Variants in SLF2 observed in about 807,000 individuals in gnomAD.
The protein encoded by SLF2 is SMC5-SMC6 complex localization factor protein 2.
SLF2 carries 68 observed loss-of-function variants against 124.3 expected under a neutral mutation model. That is an observed-to-expected ratio of 0.55 (90% confidence interval 0.45 to 0.67). SLF2 has a LOEUF of 0.67. Ranked by LOEUF, SLF2 falls within the 30% of genes least tolerant of loss-of-function variation. The probability of loss-of-function intolerance (pLI) is 0.00; values close to 1 mark genes in which losing one functional copy is unlikely to be tolerated. For synonymous variants in SLF2, 480 were observed against 478.8 expected (o/e 1.00, Z -0.03); for missense variants, 1,246 against 1,373.7 (o/e 0.91, Z 1.47).
At chr10:100,957,172 A>G (rs1850346173) in intron 18 of SLF2, among the ~76,000 whole-genome samples, 1 of 152,146 alleles carries the variant, frequency 6.6e-6, no homozygotes, top group South Asian at 2.1e-4. Context: ...GTTACCATCA[A>G]GGATTGAAGC....
rs778159780 is a variant in SLF2 at position 100,929,344 on chromosome 10, A to G, written c.2070A>G (p.Gln690=). The change falls in exon 7 of 20, where the codon CAA becomes CAG. Residue 690 remains glutamine, a synonymous_variant. Coordinates refer to ENST00000238961, the MANE Select transcript of SLF2 (RefSeq NM_018121.4). ...QRLDELQKQL[Q]EDIRQGRGIK... is the part of the protein sequence containing the mutation. The stretch of plus-strand genomic sequence containing the variant: ...TAGATGAACTGCAGAAGCAACTACA[A>G]GAAGACATAAGGCAAGGCCGAGGCA... 8.4e-5 allele frequency: 136 copies of G among 1,612,950 alleles called. No homozygotes were observed. Among genetic ancestry groups the G allele is most frequent in the Non-Finnish European group, 1.1e-4 (135 of 1,179,310 alleles).
chr10:100,959,884 A>G (rs995209579), intron 19 of SLF2, among the ~76,000 whole-genome samples: 1 of 152,186 alleles, frequency 6.6e-6, no homozygotes, highest in Admixed American at 6.5e-5. Flanking sequence ...GAACATTTTC[A>G]TCACCCCAAA....
chr10:100,925,083 T>C, intron 5 of SLF2, 111 bp downstream of exon 5: 3 of 1,095,750 alleles, frequency 2.7e-6, no homozygotes, highest in Non-Finnish European at 3.8e-6. Flanking sequence ...TTATAACTCA[T>C]ATTTGTACTG....
intron 11 of SLF2, among the ~76,000 whole-genome samples, chr10:100,940,422 C>G (rs1849946980): frequency 6.6e-6 from 1 of 152,078 alleles, no homozygotes; most frequent in Admixed American, 6.5e-5. Context: ...TGCAGTGACA[C>G]AATCTCAGCT....
At chr10:100,925,306 AAGAAG>A (rs1461939413) in intron 5 of SLF2, among the ~76,000 whole-genome samples, 2 of 152,222 alleles carry the variant, frequency 1.3e-5, no homozygotes, top group Non-Finnish European at 2.9e-5. Flanking sequence ...TAAAAGGAAG[AAGAAG>A]AGAAAAATAA....
In SLF2 at chr10:100,931,102, A is replaced by G. The variant is rs1849726203; in HGVS notation, c.2436+24A>G. 3.3e-6 allele frequency: 5 copies of G among 1,519,342 alleles called. No homozygotes were observed. The Admixed American group carries it at 7.5e-5, about 23-fold the overall frequency. 94.1% of individuals were successfully genotyped at this position (1,519,342 alleles called of 1,614,324 possible). A position where few individuals can be genotyped will look rare whatever the true frequency, so the allele number is the denominator to read the frequency against. On this transcript the variant is annotated intron_variant, in intron 9 of 19. Transcript: ENST00000238961. ...GGGTAAGAGGAATGTTTAGAGGGTT[A>G]TAGTTGCCTCCTACTATATTTCTAA... is the stretch of plus-strand genomic sequence containing the variant.
rs1167635461 is a variant in SLF2, at chr10:100,913,059, G to A, written c.-52G>A. 4.4e-6 allele frequency: 7 copies of A among 1,590,732 alleles called. No individual in the cohort carries two copies. The highest frequency in any genetic ancestry group is 6.0e-6 in the Non-Finnish European group (7 of 1,168,338). ...GTCCCAGCAGCAAGACGGCAACCAC[G>A]CACCCAACTTCTCCAGCCACGGCTC... is the stretch of plus-strand genomic sequence containing the variant. On this transcript the variant is annotated 5_prime_UTR_variant, in exon 1 of 20. Coordinates refer to ENST00000238961, the MANE Select transcript of SLF2 (RefSeq NM_018121.4).
intron 11 of SLF2, among the ~76,000 whole-genome samples, chr10:100,942,132 C>T (rs1849993158): frequency 6.6e-6 from 1 of 152,148 alleles, no homozygotes; most frequent in Admixed American, 6.5e-5. Context: ...TAGACACCAA[C>T]TAGATGTCCT....
At position 100,912,979 on chromosome 10, in the gene SLF2, C is replaced by T. The variant is rs1273446972; in HGVS notation, c.-132C>T. On this transcript the variant is annotated 5_prime_UTR_variant, in exon 1 of 20. Transcript: ENST00000238961. The stretch of plus-strand genomic sequence containing the variant: ...GCCGGAGTCACTTCCGAAGAGAGAA[C>T]CGCCATGAAGAGAGAAGGGGGTGCC... The T allele has an allele frequency of 1.5e-5, 14 of 942,878 alleles. No homozygotes were observed. Among genetic ancestry groups the T allele is most frequent in the Non-Finnish European group, 2.2e-5 (14 of 643,458 alleles). The allele number at this position is 942,878 out of a possible 1,614,324, so 58.4% of individuals were successfully genotyped here.
At chr10:100,927,049 T>C (rs1056519116) in intron 6 of SLF2, among the ~76,000 whole-genome samples, 3 of 152,022 alleles carry the variant, frequency 2.0e-5, no homozygotes, top group Admixed American at 2.0e-4. Flanking sequence ...TAGCTGAAAT[T>C]CTAGATCGAA....
chr10:100,944,164 C>T, intron 12 of SLF2, 36 bp downstream of exon 12: 1 of 1,374,238 alleles, frequency 7.3e-7, no homozygotes, highest in Non-Finnish European at 1.0e-6. Flanking sequence ...CTGCTCAGAG[C>T]TAGAACCATT....
chr10:100,921,174 C>T (rs767065379), intron 4 of SLF2, among the ~76,000 whole-genome samples: 2 of 152,178 alleles, frequency 1.3e-5, no homozygotes, highest in Admixed American at 6.5e-5. Context: ...ATTGCTAGTA[C>T]ATTTCGTAAC....
chr10:100,931,169 A>C, intron 9 of SLF2, 91 bp downstream of exon 9: 1 of 982,538 alleles, frequency 1.0e-6, no homozygotes, highest in African/African-American at 1.6e-5. Context: ...ACATTACTGC[A>C]GAAAAAATTA....
intron 15 of SLF2, 145 bp from the exon 16 acceptor site, chr10:100,949,931 C>A: frequency 1.2e-6 from 1 of 816,150 alleles, no homozygotes; most frequent in South Asian, 3.0e-5. Flanking sequence ...CAGGGTTTTA[C>A]ATAAAGGGAA....
At position 100,945,514 on chromosome 10, in the gene SLF2, T is replaced by C; in HGVS notation, c.2934+8T>C. 6.5e-7 allele frequency: 1 copy of C among 1,532,996 alleles called. No homozygotes were observed. Among genetic ancestry groups the C allele is most frequent in the South Asian group, 1.3e-5 (1 of 76,562 alleles). The allele number at this position is 1,532,996 out of a possible 1,614,324, so 95.0% of individuals were successfully genotyped here. On this transcript the variant is annotated splice_region_variant and intron_variant, in intron 13 of 19. Transcript: ENST00000238961. ...AGAGATTGGAACACAAAGGTAATGT[T>C]ACTTAAAACTTCATTATTCATTTTT...
Position 100,944,116 on chromosome 10 carries a change from A to C in SLF2, c.2745A>C (p.Leu915Phe). 6.2e-7 allele frequency: 1 copy of C among 1,607,728 alleles called. No homozygotes were observed. Among genetic ancestry groups the C allele is most frequent in the Non-Finnish European group, 8.5e-7 (1 of 1,174,834 alleles). ...CAACACTTCCTGAAACCAACATTTT[A>C]AATGTGGTTAAGGTAGGAAAGAACT... ...IFSTLPETNILNVVKFLGLCT... is the reference protein window; with the variant it reads ...IFSTLPETNIFNVVKFLGLCT... The change falls in exon 12 of 20, where the codon TTA (leucine) becomes TTC (phenylalanine). Residue 915 changes from leucine to phenylalanine, a missense_variant. Physicochemically the swap from Leu to Phe is conservative, Grantham distance 22. Transcript: ENST00000238961.
In SLF2 at chr10:100,938,590, A is replaced by T; in HGVS notation, c.2513-5A>T. ...TAGAATGAAATGTTTTCTTCTGTTA[A>T]TTAGATACCTTCAGTGACTCACCAG... is the stretch of plus-strand genomic sequence containing the variant. On this transcript the variant is annotated splice_polypyrimidine_tract_variant and splice_region_variant and intron_variant, in intron 10 of 19. Transcript: ENST00000238961. 1 of 1,606,000 alleles carries T rather than the reference A, an allele frequency of 6.2e-7. No homozygotes were observed. Among genetic ancestry groups the T allele is most frequent in the Non-Finnish European group, 8.5e-7 (1 of 1,177,710 alleles).
At position 100,916,946 on chromosome 10, in the gene SLF2, T is replaced by G. The variant is rs779861433; in HGVS notation, c.561T>G (p.Asp187Glu). Reference protein sequence around the residue: ...LFIHENNEKNDRDRGKTNADS... With the variant: ...LFIHENNEKNERDRGKTNADS... ...TTCATGAAAATAATGAGAAGAATGATAGAGATCGAGGCAAAACCAATGCAG... is the reference window on the plus strand; with the variant it reads ...TTCATGAAAATAATGAGAAGAATGAGAGAGATCGAGGCAAAACCAATGCAG... Residue 187 changes from aspartate (D) to glutamate (E), a missense_variant, in exon 3 of 20, where the codon GAT becomes GAG. By Grantham distance (45) the Asp-to-Glu change is conservative (BLOSUM62 2). Transcript: ENST00000238961. 14 of 1,614,032 alleles carry G rather than the reference T, an allele frequency of 8.7e-6. No homozygotes were observed. In the Admixed American group the frequency reaches 2.3e-4, roughly 27 times the overall value.
chr10:100,932,720 T>TGC (rs1554878718), intron 9 of SLF2, among the ~76,000 whole-genome samples: 662 of 36,250 alleles, frequency 0.018, 2 homozygotes, highest in Middle Eastern at 0.043. Context: ...TGTGTGTGTG[T>TGC]GCGCGCGCGC....
Sources: allele counts gnomAD v4.1 joint callset (sites outside exome capture counted in the v4.1 genomes callset), GRCh38; gene constraint gnomAD v4.1.1; transcripts MANE v1.5; gene names NCBI Gene and HGNC (gene_info 2026-07-23, HGNC 2026-07-21).